Variants in OR51C1 observed in about 807,000 individuals in gnomAD.
OR51C1 encodes the protein olfactory receptor family 51 subfamily C member 1.
chr11:4,691,674 G>A, the OR51C1 span: 26 of 391,346 alleles, frequency 6.6e-5, no homozygotes, highest in Non-Finnish European at 1.2e-4. Flanking sequence ...AATGATGGAA[G>A]TGGAGGTGAT....
the OR51C1 span, chr11:4,691,439 C>G: frequency 2.2e-6 from 1 of 457,132 alleles, no homozygotes. Context: ...TCACATTGAA[C>G]CAGAATATAC....
At chr11:4,694,916 A>G in the OR51C1 span, among the ~76,000 whole-genome samples, 147,161 of 152,220 alleles carry the variant, frequency 0.97, 71,348 homozygotes, top group East Asian at 1. Flanking sequence ...TTGATGGGTA[A>G]ATGTGAGTTT....
chr11:4,697,023 C>A, the OR51C1 span, among the ~76,000 whole-genome samples: 1 of 152,240 alleles, frequency 6.6e-6, no homozygotes, highest in East Asian at 1.9e-4. Context: ...GTCCTCAGTG[C>A]TTTATAAGCA....
chr11:4,695,969 T>G, the OR51C1 span, among the ~76,000 whole-genome samples: 5 of 152,128 alleles, frequency 3.3e-5, no homozygotes, highest in African/African-American at 1.2e-4. Flanking sequence ...AAATCTGCAA[T>G]CTAATTATGG....
At chr11:4,690,984 A>C in the OR51C1 span, 1 of 454,780 alleles carries the variant, frequency 2.2e-6, no homozygotes, top group African/African-American at 2.0e-5. Context: ...ACATGTACTG[A>C]AGGTTTCCTT....
the OR51C1 span, among the ~76,000 whole-genome samples, chr11:4,697,362 T>C: frequency 6.5e-3 from 988 of 152,334 alleles, 12 homozygotes; most frequent in African/African-American, 0.023. Context: ...TTTTTAGTAA[T>C]AGTTATTGGG....
chr11:4,694,575 T>TATATACACAC, the OR51C1 span, among the ~76,000 whole-genome samples: 73 of 147,948 alleles, frequency 4.9e-4, 1 homozygote, highest in South Asian at 1.5e-3. Flanking sequence ...CATATATATA[T>TATATACACAC]ACACACACAC....
chr11:4,690,546 A>T, the OR51C1 span: 1 of 227,688 alleles, frequency 4.4e-6, no homozygotes, highest in Non-Finnish European at 8.8e-6. Flanking sequence ...TAGGCTGTTC[A>T]TCTCTTCCAT....
At chr11:4,696,735 A>T in the OR51C1 span, among the ~76,000 whole-genome samples, 1 of 152,036 alleles carries the variant, frequency 6.6e-6, no homozygotes, top group Non-Finnish European at 1.5e-5. Context: ...TATTCTCTCA[A>T]CTAATTTTTC....
the OR51C1 span, among the ~76,000 whole-genome samples, chr11:4,692,933 C>T: frequency 5.3e-5 from 8 of 151,944 alleles, no homozygotes; most frequent in Admixed American, 6.6e-5. Flanking sequence ...ATAGATTACA[C>T]GATTTGGCCA....
At chr11:4,690,666 C>T in the OR51C1 span, 1 of 327,980 alleles carries the variant, frequency 3.0e-6, no homozygotes, top group African/African-American at 2.2e-5. Flanking sequence ...TCAATGGGCA[C>T]CAGTTCTTTG....
At chr11:4,695,450 C>T in the OR51C1 span, among the ~76,000 whole-genome samples, 2 of 152,164 alleles carry the variant, frequency 1.3e-5, no homozygotes, top group South Asian at 2.1e-4. Context: ...TCATAATTAG[C>T]CTTGTGCTTT....
chr11:4,691,315 T>TAG, the OR51C1 span: 1 of 457,496 alleles, frequency 2.2e-6, no homozygotes, highest in Non-Finnish European at 4.4e-6. Context: ...CTAAGGGGAT[T>TAG]AGAGACGGCC....
chr11:4,690,968 G>A, the OR51C1 span: 1 of 454,144 alleles, frequency 2.2e-6, no homozygotes, highest in Non-Finnish European at 4.4e-6. Flanking sequence ...CCACAATGTG[G>A]GAGACACATG....
At chr11:4,696,879 A>G in the OR51C1 span, among the ~76,000 whole-genome samples, 1 of 152,178 alleles carries the variant, frequency 6.6e-6, no homozygotes, top group Non-Finnish European at 1.5e-5. Flanking sequence ...TGGTATGGCT[A>G]TCATGTGTGA....
chr11:4,696,797 A>G, the OR51C1 span, among the ~76,000 whole-genome samples: 6 of 152,212 alleles, frequency 3.9e-5, no homozygotes, highest in South Asian at 4.1e-4. Context: ...ATTATAAGCT[A>G]TAGCTTGTGG....
At chr11:4,693,154 A>C in the OR51C1 span, among the ~76,000 whole-genome samples, 2 of 152,210 alleles carry the variant, frequency 1.3e-5, no homozygotes, top group African/African-American at 4.8e-5. Flanking sequence ...TGGATATGAT[A>C]ATTAGCTTGA....
the OR51C1 span, among the ~76,000 whole-genome samples, chr11:4,696,469 C>T: frequency 2.0e-5 from 3 of 152,090 alleles, no homozygotes; most frequent in Admixed American, 6.5e-5. Flanking sequence ...ATGAGAACCT[C>T]GGGAGGTCTA....
chr11:4,693,571 A>C, the OR51C1 span, among the ~76,000 whole-genome samples: 8 of 152,058 alleles, frequency 5.3e-5, no homozygotes, highest in African/African-American at 1.9e-4. Flanking sequence ...AATACAAAAA[A>C]TTAGCCGGGC....
Sources: allele counts gnomAD v4.1 joint callset (sites outside exome capture counted in the v4.1 genomes callset), GRCh38; gene constraint gnomAD v4.1.1; transcripts MANE v1.5; gene names NCBI Gene and HGNC (gene_info 2026-07-23, HGNC 2026-07-21).